TENM4: variants seen among roughly 807,000 people sequenced by gnomAD.
TENM4 encodes teneurin-4.
Under a neutral mutation model 243.3 loss-of-function variants are expected in TENM4, and 82 were observed. The observed-to-expected ratio is 0.34, with a 90% CI of 0.28 to 0.40. The LOEUF is 0.40. Among genes scored for constraint, TENM4 ranks in the 10% least tolerant of loss-of-function variants. The pLI is 1.00. For missense variants in TENM4, 3,138 were observed against 3,673.3 expected (o/e 0.85, Z 3.77); for synonymous variants, 1,412 against 1,456.3 (o/e 0.97, Z 0.69).
intron 4 of TENM4, among the ~76,000 whole-genome samples, chr11:79,081,927 G>T (rs1243837498): frequency 5.9e-5 from 9 of 152,082 alleles, no homozygotes; most frequent in Admixed American, 5.9e-4. Context: ...CCCTCAGCTG[G>T]TGCTCACATG....
At chr11:78,741,739 G>A (rs898324717) in intron 19 of TENM4, among the ~76,000 whole-genome samples, 5 of 152,176 alleles carry the variant, frequency 3.3e-5, no homozygotes, top group Non-Finnish European at 7.3e-5. Flanking sequence ...ACTGAGGGTT[G>A]GGCACTCGCT....
intron 1 of TENM4, among the ~76,000 whole-genome samples, chr11:79,412,658 G>A (rs913953519): frequency 5.3e-5 from 8 of 152,250 alleles, no homozygotes; most frequent in African/African-American, 1.9e-4. Context: ...CAGCACTATG[G>A]CATAAAAATA....
intron 6 of TENM4, among the ~76,000 whole-genome samples, chr11:78,956,105 G>A (rs1857202258): frequency 2.0e-5 from 3 of 152,250 alleles, no homozygotes; most frequent in South Asian, 4.2e-4. Context: ...GTGTGTGGAC[G>A]GGGTGCTGGT....
intron 6 of TENM4, among the ~76,000 whole-genome samples, chr11:79,011,160 C>T (rs377373865): frequency 4.4e-4 from 67 of 152,338 alleles, no homozygotes; most frequent in Admixed American, 9.1e-4. Context: ...AAAAACCTTC[C>T]GTGAATCCAG....
rs1862047381 is a variant in TENM4, at chr11:79,133,327, A to G, written c.-66+15383T>C. On this transcript the variant is annotated intron_variant, in intron 4 of 33. Transcript: ENST00000278550. Reference sequence around the variant, plus strand: ...AAGAACTGGCTATCCTGAACAGACCAATAACAAGTAGCGAAACTGCAATGA... The same window carrying G: ...AAGAACTGGCTATCCTGAACAGACCGATAACAAGTAGCGAAACTGCAATGA... Among the ~76,000 whole-genome samples, 3 of 152,192 alleles carry G rather than the reference A, an allele frequency of 2.0e-5. No homozygotes were observed. In the South Asian group the frequency reaches 6.2e-4, roughly 32 times the overall value.
At chr11:79,252,927 C>A (rs1590827536) in intron 2 of TENM4, among the ~76,000 whole-genome samples, 3 of 152,326 alleles carry the variant, frequency 2.0e-5, no homozygotes, top group African/African-American at 7.2e-5. Flanking sequence ...ACTGAATTTT[C>A]AAGTGGCTTG....
intron 6 of TENM4, among the ~76,000 whole-genome samples, chr11:79,061,230 T>G (rs932138620): frequency 2.0e-5 from 3 of 152,226 alleles, no homozygotes; most frequent in African/African-American, 7.2e-5. Flanking sequence ...GCTGTCATTA[T>G]TTAGATCTGA....
At chr11:79,128,593 G>A (rs1219615373) in intron 4 of TENM4, among the ~76,000 whole-genome samples, 1 of 152,172 alleles carries the variant, frequency 6.6e-6, no homozygotes, top group African/African-American at 2.4e-5. Context: ...GAGAAGACTA[G>A]GGCCTGGTTC....
chr11:78,805,282 C>CCCCCCCCCACCCCCCCCCCCCAAAA lies in TENM4; in HGVS notation c.2179+9_2179+10insTTTTGGGGGGGGGGGGTGGGGGGGG. 1.0e-6 allele frequency: 1 copy of CCCCCCCCCACCCCCCCCCCCCAAAA among 995,568 alleles called. No individual in the cohort carries two copies. The allele number at this position is 995,568 out of a possible 1,614,324, so 61.7% of individuals were successfully genotyped here. On this transcript the variant is annotated intron_variant, in intron 15 of 33. Coordinates refer to ENST00000278550, the MANE Select transcript of TENM4 (RefSeq NM_001098816.3). ...CCCTCTACCCATGCTTCTTCTCCCCCTGCATTTACCGATAGAACAGTCGTG... is the reference window on the plus strand; with the variant it reads ...CCCTCTACCCATGCTTCTTCTCCCCCCCCCCCCCACCCCCCCCCCCCAAAATGCATTTACCGATAGAACAGTCGTG...
intron 6 of TENM4, among the ~76,000 whole-genome samples, chr11:78,936,605 C>A (rs74332401): frequency 6.6e-6 from 1 of 152,174 alleles, no homozygotes; most frequent in Non-Finnish European, 1.5e-5. Context: ...TCTGCACTAG[C>A]TATGGGAAGT....
intron 6 of TENM4, among the ~76,000 whole-genome samples, chr11:79,047,324 TAG>T: frequency 6.6e-6 from 1 of 152,208 alleles, no homozygotes; most frequent in African/African-American, 2.4e-5. Context: ...TTTTGAGCTC[TAG>T]ATATTGAGTT....
intron 3 of TENM4, among the ~76,000 whole-genome samples, chr11:79,165,713 T>C (rs1862895844): frequency 6.6e-6 from 1 of 152,192 alleles, no homozygotes; most frequent in Admixed American, 6.5e-5. Flanking sequence ...AGTCTTTGTC[T>C]AAGCCAGTAT....
rs1590915659 is a variant in TENM4 at position 78,657,392 on chromosome 11, C to A, written c.*666G>T. The A allele has an allele frequency of 1.5e-5, 6 of 395,034 alleles. No homozygotes were observed. In the East Asian group the frequency reaches 2.2e-4, roughly 14 times the overall value. 24.5% of individuals were successfully genotyped at this position (395,034 alleles called of 1,614,324 possible). A position where few individuals can be genotyped will look rare whatever the true frequency, so the allele number is the denominator to read the frequency against. ...AGTGGTAGGGGGTTTCATTCAGCAT[C>A]AAAATAGAAAGCTTGAACAGGAGTT... On this transcript the variant is annotated 3_prime_UTR_variant, in exon 34 of 34. Transcript: ENST00000278550.
At chr11:79,097,069 T>C (rs1861101567) in intron 4 of TENM4, 1 of 152,184 alleles carries the variant, frequency 6.6e-6, no homozygotes, top group African/African-American at 2.4e-5. Context: ...TCATCTCATA[T>C]AGTCCTCACA....
At chr11:78,923,958 G>A (rs1166531620) in intron 6 of TENM4, among the ~76,000 whole-genome samples, 1 of 150,928 alleles carries the variant, frequency 6.6e-6, no homozygotes, top group African/African-American at 2.4e-5. Context: ...AGGATCAAGC[G>A]ATTCTCCTGC....
intron 2 of TENM4, among the ~76,000 whole-genome samples, chr11:79,295,113 C>T (rs1856427290): frequency 6.6e-6 from 1 of 152,204 alleles, no homozygotes; most frequent in South Asian, 2.1e-4. Flanking sequence ...AGCCCCAGAA[C>T]TGAGACGGTG....
In TENM4 at chr11:79,169,452, G is replaced by T. The variant is rs1033019627; in HGVS notation, c.-162-20646C>A. On this transcript the variant is annotated intron_variant, in intron 3 of 33. Coordinates refer to ENST00000278550, the MANE Select transcript of TENM4 (RefSeq NM_001098816.3). ...TCAGAGCCAGGGCATATTGGCAGTG[G>T]GAACAGACTCAGGTCTTGGAATCCT... is the stretch of plus-strand genomic sequence containing the variant. 2.6e-5 allele frequency among the ~76,000 whole-genome samples: 4 copies of T among 152,070 alleles called. No individual in the cohort carries two copies. In the South Asian group the frequency reaches 8.3e-4, roughly 32 times the overall value.
At chr11:78,907,641 T>C (rs1035163630) in intron 6 of TENM4, among the ~76,000 whole-genome samples, 8 of 152,194 alleles carry the variant, frequency 5.3e-5, no homozygotes, top group Admixed American at 4.6e-4. Context: ...GAAAGACCCA[T>C]GTGTCATTTC....
intron 2 of TENM4, among the ~76,000 whole-genome samples, chr11:79,233,435 G>A (rs1864405583): frequency 6.6e-6 from 1 of 152,178 alleles, no homozygotes; most frequent in African/African-American, 2.4e-5. Context: ...GGTCTAGATT[G>A]TGGAAGAGGC....
Sources: gnomAD v4.1 joint callset for allele counts (sites outside exome capture counted in the v4.1 genomes callset) on GRCh38, gnomAD v4.1.1 for gene constraint, MANE v1.5 for transcripts, NCBI Gene and HGNC (gene_info 2026-07-23, HGNC 2026-07-21) for gene names.